Variants in UVRAG observed in about 807,000 individuals in gnomAD.
UVRAG encodes the protein UV radiation resistance-associated gene protein.
A neutral mutation model predicts 78.0 loss-of-function variants in UVRAG; 19 were observed. The observed-to-expected ratio is 0.24, with a 90% CI of 0.17 to 0.36. The LOEUF (loss-of-function observed/expected upper bound fraction) is 0.36, where lower values mean the gene tolerates loss of function less well. UVRAG is among the 10% of genes least tolerant of loss of function. The pLI, the probability that UVRAG is intolerant of heterozygous loss-of-function variation, is 1.00. For missense variants in UVRAG, 740 were observed against 853.8 expected, an observed-to-expected ratio of 0.87 and a Z score of 1.66; for synonymous variants, 323 against 324.6, an observed-to-expected ratio of 1.00 and a Z score of 0.05.
At chr11:75,968,325 A>AAT (rs1305998196) in intron 7 of UVRAG, among the ~76,000 whole-genome samples, 1 of 152,220 alleles carries the variant, frequency 6.6e-6, no homozygotes, top group Non-Finnish European at 1.5e-5. Context: ...CTATTGGCGA[A>AAT]ATATATGTGA....
At chr11:75,861,057 G>T (rs1316678206) in intron 2 of UVRAG, among the ~76,000 whole-genome samples, 1 of 152,174 alleles carries the variant, frequency 6.6e-6, no homozygotes, top group Admixed American at 6.5e-5. Flanking sequence ...TTTCAGGAGT[G>T]TCTGAACTTC....
At chr11:75,990,064 G>A (rs1459692522) in intron 8 of UVRAG, among the ~76,000 whole-genome samples, 1 of 152,214 alleles carries the variant, frequency 6.6e-6, no homozygotes, top group Non-Finnish European at 1.5e-5. Flanking sequence ...TGTGGCAAGA[G>A]TGTATTTGGA....
At chr11:76,029,706 A>G (rs2135397382) in intron 12 of UVRAG, among the ~76,000 whole-genome samples, 1 of 152,324 alleles carries the variant, frequency 6.6e-6, no homozygotes, top group South Asian at 2.1e-4. Flanking sequence ...TAAAAAAAGG[A>G]TTTAGAATGT....
At chr11:76,136,748 T>C (rs1373175378) in intron 14 of UVRAG, among the ~76,000 whole-genome samples, 1 of 151,790 alleles carries the variant, frequency 6.6e-6, no homozygotes, top group Non-Finnish European at 1.5e-5. Context: ...TCCTCCCACC[T>C]TGGCCTCCCA....
intron 12 of UVRAG, among the ~76,000 whole-genome samples, chr11:76,040,636 A>G (rs1285681945): frequency 1.3e-5 from 2 of 151,684 alleles, no homozygotes. Context: ...ACTCACTGCA[A>G]CCTCTGCCTC....
intron 1 of UVRAG, among the ~76,000 whole-genome samples, chr11:75,833,443 A>G (rs1381005395): frequency 6.6e-6 from 1 of 152,244 alleles, no homozygotes; most frequent in Non-Finnish European, 1.5e-5. Flanking sequence ...TACATACATC[A>G]TGACCCTTTA....
chr11:76,065,911 G>T, intron 13 of UVRAG, 123 bp downstream of exon 13: 1 of 730,048 alleles, frequency 1.4e-6, no homozygotes. Flanking sequence ...AGTTACATTA[G>T]TAATACACAG....
intron 1 of UVRAG, among the ~76,000 whole-genome samples, chr11:75,828,780 C>CATATATATATATATATATATACACACAT: frequency 1.1e-5 from 1 of 92,840 alleles, no homozygotes; most frequent in South Asian, 3.0e-4. Flanking sequence ...TATATACACA[C>CATATATATATATATATATATACACACAT]ATATATATAT....
At position 75,976,488 on chromosome 11, in the gene UVRAG, G is replaced by A. The variant is rs535158353; in HGVS notation, c.700-6899G>A. Reference sequence around the variant, plus strand: ...TCTGGTAGAATTTGGCTGTGAATCTGTCTGGTCCTGGACTTTTTTTGGTTG... The same window carrying A: ...TCTGGTAGAATTTGGCTGTGAATCTATCTGGTCCTGGACTTTTTTTGGTTG... On this transcript the variant is annotated intron_variant, in intron 7 of 14. Transcript: ENST00000356136. 4.6e-5 allele frequency among the ~76,000 whole-genome samples: 7 copies of A among 152,200 alleles called. No individual in the cohort carries two copies. In the South Asian group the frequency reaches 8.3e-4, roughly 18 times the overall value.
intron 14 of UVRAG, among the ~76,000 whole-genome samples, 187 bp downstream of exon 14, chr11:76,116,202 C>A (rs1952178382): frequency 6.6e-6 from 1 of 152,154 alleles, no homozygotes; most frequent in African/African-American, 2.4e-5. Flanking sequence ...GAGGATGTAG[C>A]CCCCTTGGAG....
intron 12 of UVRAG, among the ~76,000 whole-genome samples, chr11:76,047,715 T>G (rs1172344935): frequency 1.3e-5 from 2 of 152,208 alleles, no homozygotes; most frequent in Non-Finnish European, 2.9e-5. Context: ...TGAACGTAAT[T>G]TTTAGAACCC....
chr11:75,829,194 G>A (rs947255196), intron 1 of UVRAG, among the ~76,000 whole-genome samples: 4 of 152,110 alleles, frequency 2.6e-5, no homozygotes, highest in South Asian at 2.1e-4. Context: ...TTCTGCCTTA[G>A]CCTCTGGAGT....
At chr11:75,987,798 G>A (rs529873668) in intron 8 of UVRAG, among the ~76,000 whole-genome samples, 12 of 151,588 alleles carry the variant, frequency 7.9e-5, no homozygotes, top group African/African-American at 1.2e-4. Flanking sequence ...GTAAAATGGC[G>A]TGGTCTCGGC....
At chr11:76,078,736 T>C (rs1016119339) in intron 13 of UVRAG, among the ~76,000 whole-genome samples, 4 of 130,072 alleles carry the variant, frequency 3.1e-5, no homozygotes, top group Non-Finnish European at 6.3e-5. Flanking sequence ...ACCCTGTCTT[T>C]ACTCTACTAA....
intron 12 of UVRAG, among the ~76,000 whole-genome samples, chr11:76,049,589 G>A (rs1310337495): frequency 6.6e-6 from 1 of 152,168 alleles, no homozygotes; most frequent in Admixed American, 6.5e-5. Context: ...TTGATGGAGA[G>A]CATGGAATAG....
At chr11:75,924,623 C>T (rs535898379) in intron 6 of UVRAG, among the ~76,000 whole-genome samples, 63 of 152,096 alleles carry the variant, frequency 4.1e-4, no homozygotes, top group Non-Finnish European at 6.8e-4. Context: ...CTCCTGACCT[C>T]GTGATCCACC....
chr11:76,127,649 AAATG>A (rs1393289134), intron 14 of UVRAG, among the ~76,000 whole-genome samples: 4 of 150,700 alleles, frequency 2.7e-5, no homozygotes, highest in Non-Finnish European at 5.9e-5. Flanking sequence ...AAAAAAAAAA[AAATG>A]AATGAATGAA....
At chr11:76,044,197 G>C (rs1200242956) in intron 12 of UVRAG, among the ~76,000 whole-genome samples, 3 of 152,176 alleles carry the variant, frequency 2.0e-5, no homozygotes, top group Non-Finnish European at 2.9e-5. Flanking sequence ...AAGGACCTCT[G>C]TAGGAGGTTG....
chr11:75,879,182 A>G (rs1296288438), intron 3 of UVRAG, among the ~76,000 whole-genome samples: 1 of 152,160 alleles, frequency 6.6e-6, no homozygotes, highest in Non-Finnish European at 1.5e-5. Context: ...ATTCCCTCCT[A>G]GCAAAAGGCA....
Sources: gnomAD v4.1 joint callset for allele counts (sites outside exome capture counted in the v4.1 genomes callset) on GRCh38, gnomAD v4.1.1 for gene constraint, MANE v1.5 for transcripts, NCBI Gene and HGNC (gene_info 2026-07-23, HGNC 2026-07-21) for gene names.